The following XDH variants were observed in gnomAD, a reference collection of about 807,000 sequenced individuals.
The protein encoded by XDH is xanthine dehydrogenase, also known as xanthine dehydrogenase/oxidase.
In XDH, 138 loss-of-function variants were observed where a neutral mutation model predicts 156.1. The ratio of observed to expected loss-of-function variants is 0.88; its 90% CI spans 0.77 to 1.02. The LOEUF (loss-of-function observed/expected upper bound fraction) is 1.02, where lower values mean the gene tolerates loss of function less well. XDH is among the 50% of genes least tolerant of loss of function. The pLI is 0.00. For missense variants in XDH, 1,849 were observed against 1,684.9 expected (o/e 1.10, Z -1.71); for synonymous variants, 669 against 625.7 (o/e 1.07, Z -1.03).
intron 1 of XDH, 48 bp from the exon 2 acceptor site, chr2:31,406,012 T>C (rs752163710): frequency 6.3e-6 from 10 of 1,591,202 alleles, no homozygotes; most frequent in South Asian, 4.4e-5. Context: ...TACTTAGTCA[T>C]CTTTCTGCAA....
In XDH at chr2:31,384,040, T is replaced by G. The variant is rs45470100; in HGVS notation, c.794-193A>C. The G allele has an allele frequency of 2.0e-3, 1,232 of 614,498 alleles. 1 individual carries two copies. Among genetic ancestry groups the G allele is most frequent in the Non-Finnish European group, 2.8e-3 (966 of 341,862 alleles). The allele number at this position is 614,498 out of a possible 1,614,324, so 38.1% of individuals were successfully genotyped here. On this transcript the variant is annotated intron_variant, in intron 9 of 35. Coordinates refer to ENST00000379416, the MANE Select transcript of XDH (RefSeq NM_000379.4). The stretch of plus-strand genomic sequence containing the variant: ...GTGGGATTAGATGCAGTCTTTGGAC[T>G]GTCAGCCCAAAACTAGGTCTTTCTT...
chr2:31,400,018 C>G (rs1687013714), intron 4 of XDH, among the ~76,000 whole-genome samples: 1 of 152,124 alleles, frequency 6.6e-6, no homozygotes, highest in Non-Finnish European at 1.5e-5. Context: ...TCAGGTTGGA[C>G]AAGTTTAGTA....
chr2:31,408,167 G>A (rs1687242799), intron 1 of XDH, among the ~76,000 whole-genome samples: 1 of 152,042 alleles, frequency 6.6e-6, no homozygotes, highest in Admixed American at 6.6e-5. Flanking sequence ...CTACTTCCCT[G>A]CCAAGCTGGT....
chr2:31,364,574 G>C (rs543457462), intron 23 of XDH, among the ~76,000 whole-genome samples: 10 of 152,242 alleles, frequency 6.6e-5, no homozygotes, highest in East Asian at 5.8e-4. Flanking sequence ...GATAGGGCGG[G>C]GGGGAAGCGC....
At chr2:31,399,618 A>G (rs1207945539) in intron 4 of XDH, among the ~76,000 whole-genome samples, 1 of 152,186 alleles carries the variant, frequency 6.6e-6, no homozygotes, top group Non-Finnish European at 1.5e-5. Context: ...CTTGAATTGT[A>G]GCCCCCATAA....
intron 8 of XDH, 42 bp from the exon 9 acceptor site, chr2:31,386,597 T>C (rs778240908): frequency 6.2e-7 from 1 of 1,613,474 alleles, no homozygotes; most frequent in South Asian, 1.1e-5. Context: ...TCCCTCTTCC[T>C]ACTGTCATTC....
At chr2:31,345,388 C>G (rs891071341) in intron 30 of XDH, among the ~76,000 whole-genome samples, 3 of 152,166 alleles carry the variant, frequency 2.0e-5, no homozygotes, top group Non-Finnish European at 2.9e-5. Context: ...ATCAAACTAT[C>G]CCTCCATCCT....
intron 24 of XDH, among the ~76,000 whole-genome samples, chr2:31,351,999 T>C (rs908253719): frequency 2.6e-5 from 4 of 152,214 alleles, no homozygotes; most frequent in African/African-American, 9.6e-5. Flanking sequence ...TTGTGCTGGT[T>C]ATTATATGGG....
At chr2:31,340,611 A>T (rs1306146722) in intron 33 of XDH, among the ~76,000 whole-genome samples, 2 of 152,100 alleles carry the variant, frequency 1.3e-5, no homozygotes, top group Non-Finnish European at 2.9e-5. Context: ...CTGGGATTAC[A>T]GGTGCATGCC....
At chr2:31,373,364 G>A (rs1248415960) in intron 16 of XDH, among the ~76,000 whole-genome samples, 1 of 152,128 alleles carries the variant, frequency 6.6e-6, no homozygotes, top group Non-Finnish European at 1.5e-5. Context: ...TTTATTGGAA[G>A]GCAACACACT....
intron 28 of XDH, 136 bp from the exon 29 acceptor site, chr2:31,347,786 A>T (rs1685342369): frequency 8.3e-7 from 1 of 1,199,470 alleles, no homozygotes. Context: ...ATTGTCTGGG[A>T]TGTCCTTACA....
At chr2:31,363,360 T>C (rs1685827187) in intron 24 of XDH, among the ~76,000 whole-genome samples, 1 of 152,168 alleles carries the variant, frequency 6.6e-6, no homozygotes, top group African/African-American at 2.4e-5. Flanking sequence ...AACATTATTC[T>C]GAGAGAAAGA....
chr2:31,377,148 T>C lies in XDH; in HGVS notation c.1332A>G (p.Pro444=). ...CCAGCTCCTGTACCTCTGTGGTTCCTGGCTTGAATAAAACTCTCATGCCAC... is the reference window on the plus strand; with the variant it reads ...CCAGCTCCTGTACCTCTGTGGTTCCCGGCTTGAATAAAACTCTCATGCCAC... ...VTSGMRVLFK[P]GTTEVQELAL... The change falls in exon 14 of 36, where the codon CCA becomes CCG. Residue 444 remains proline, a synonymous_variant. Transcript: ENST00000379416. The C allele has an allele frequency of 6.2e-7, 1 of 1,614,188 alleles. No individual in the cohort carries two copies. Among genetic ancestry groups the C allele is most frequent in the Non-Finnish European group, 8.5e-7 (1 of 1,180,030 alleles).
intron 1 of XDH, among the ~76,000 whole-genome samples, chr2:31,409,839 AC>A (rs774573391): frequency 2.0e-4 from 30 of 152,228 alleles, no homozygotes; most frequent in Non-Finnish European, 2.9e-5. Flanking sequence ...GGACAGTTCC[AC>A]AAAAAAGTAA....
At chr2:31,360,314 C>A (rs541946065) in intron 24 of XDH, among the ~76,000 whole-genome samples, 2 of 152,092 alleles carry the variant, frequency 1.3e-5, no homozygotes, top group African/African-American at 4.8e-5. Flanking sequence ...CCTGGCCAAC[C>A]TGGTGAAACC....
intron 35 of XDH, 150 bp downstream of exon 35, chr2:31,337,491 T>C: frequency 1.9e-6 from 2 of 1,068,128 alleles, no homozygotes; most frequent in Non-Finnish European, 2.8e-6. Flanking sequence ...GTGTGCTTCA[T>C]ACCATGCACA....
In XDH at chr2:31,337,765, T is replaced by C; in HGVS notation, c.3827A>G (p.Lys1276Arg). The C allele has an allele frequency of 1.2e-6, 2 of 1,614,218 alleles. No homozygotes were observed. The highest frequency in any genetic ancestry group is 1.7e-6 in the Non-Finnish European group (2 of 1,180,046). ...AGCTCGAGCTGCACGGATGGCATCT[T>C]TGATGGCAAAGAAGATAGAAGCAGC... is the stretch of plus-strand genomic sequence containing the variant. ...FLAASIFFAI[K>R]DAIRAARAQH... The change falls in exon 35 of 36, where the codon AAA becomes AGA. Residue 1276 changes from lysine to arginine, a missense_variant. Coordinates refer to ENST00000379416, the MANE Select transcript of XDH (RefSeq NM_000379.4).
intron 27 of XDH, 141 bp downstream of exon 27, chr2:31,348,758 C>T (rs183862430): frequency 9.7e-5 from 75 of 772,848 alleles, no homozygotes; most frequent in Admixed American, 6.3e-4. Context: ...TGTGCAAGTT[C>T]GACTTTCATT....
intron 7 of XDH, 129 bp from the exon 8 acceptor site, chr2:31,388,026 T>C: frequency 8.5e-7 from 1 of 1,173,494 alleles, no homozygotes; most frequent in South Asian, 1.3e-5. Context: ...GAGCAGGTAA[T>C]CCCTGGGAGG....
Sources: allele counts gnomAD v4.1 joint callset (sites outside exome capture counted in the v4.1 genomes callset), GRCh38; gene constraint gnomAD v4.1.1; transcripts MANE v1.5; gene names NCBI Gene and HGNC (gene_info 2026-07-23, HGNC 2026-07-21).